UNC79: variants seen among roughly 807,000 people sequenced by gnomAD.
UNC79 encodes the protein unc-79 subunit of NALCN channel complex, also known as protein unc-79 homolog.
In UNC79, 37 loss-of-function variants were observed where a neutral mutation model predicts 283.1. That is an observed-to-expected ratio of 0.13 (90% confidence interval 0.10 to 0.17). UNC79 has a LOEUF of 0.17. Among genes scored for constraint, UNC79 ranks in the 10% least tolerant of loss-of-function variants. UNC79 has a pLI of 1.00. For missense variants in UNC79, 2,272 were observed against 3,211.1 expected, an observed-to-expected ratio of 0.71 and a Z score of 7.07; for synonymous variants, 1,107 against 1,200.2, an observed-to-expected ratio of 0.92 and a Z score of 1.61.
intron 20 of UNC79, among the ~76,000 whole-genome samples, chr14:93,584,161 T>G (rs537439058): frequency 1.3e-5 from 2 of 152,298 alleles, no homozygotes; most frequent in East Asian, 3.9e-4. Context: ...AAAAGAAGTT[T>G]ACAATCTGCT....
chr14:93,482,174 C>T (rs1172469907), intron 4 of UNC79, among the ~76,000 whole-genome samples: 6 of 152,180 alleles, frequency 3.9e-5, no homozygotes, highest in African/African-American at 1.4e-4. Context: ...TTGAAATTCA[C>T]ACACTGTCCT....
intron 23 of UNC79, among the ~76,000 whole-genome samples, chr14:93,594,242 G>A (rs2064894942): frequency 6.6e-6 from 1 of 152,038 alleles, no homozygotes; most frequent in Admixed American, 6.6e-5. Flanking sequence ...ATCTCAGTGG[G>A]AGGTGGGGGT....
At chr14:93,453,387 A>G (rs760193131) in intron 1 of UNC79, among the ~76,000 whole-genome samples, 20 of 152,222 alleles carry the variant, frequency 1.3e-4, no homozygotes, top group African/African-American at 7.2e-5. Context: ...TTTTCACCAA[A>G]TAATTCCTCA....
intron 47 of UNC79, 91 bp from the exon 51 acceptor site, chr14:93,704,533 AT>A: frequency 7.0e-7 from 1 of 1,422,430 alleles, no homozygotes; most frequent in Non-Finnish European, 9.9e-7. Context: ...CGTGAAAGGG[AT>A]TCAATGTGGC....
At chr14:93,590,110 C>T (rs1390666654) in intron 22 of UNC79, among the ~76,000 whole-genome samples, 1 of 152,092 alleles carries the variant, frequency 6.6e-6, no homozygotes, top group African/African-American at 2.4e-5. Context: ...CCTGAGTGCC[C>T]CTTCCTCTTA....
chr14:93,345,478 G>A (rs2053805533), intron 1 of UNC79, among the ~76,000 whole-genome samples: 1 of 152,162 alleles, frequency 6.6e-6, no homozygotes, highest in Non-Finnish European at 1.5e-5. Context: ...TAAAAGTTCA[G>A]ATTAATATTC....
intron 1 of UNC79, among the ~76,000 whole-genome samples, chr14:93,400,061 A>G (rs1442406782): frequency 1.3e-5 from 2 of 152,112 alleles, no homozygotes; most frequent in Non-Finnish European, 2.9e-5. Context: ...AGGTATCCCT[A>G]TTTGCCATTG....
rs1056816948 is a variant in UNC79 at position 93,467,804 on chromosome 14, A to G, written c.143+13A>G. 4 of 1,497,064 alleles carry G rather than the reference A, an allele frequency of 2.7e-6. No individual in the cohort carries two copies. The African/African-American group carries it at 5.7e-5, about 21-fold the overall frequency. The allele number at this position is 1,497,064 out of a possible 1,614,324, so 92.7% of individuals were successfully genotyped here. A position where few individuals can be genotyped will look rare whatever the true frequency, so the allele number is the denominator to read the frequency against. ...AGACCTTGTTAAGGTAAGCTTTACA[A>G]TATCCTCTACTTTGAGAGAATTATT... is the stretch of plus-strand genomic sequence containing the variant. On this transcript the variant is annotated intron_variant, in intron 2 of 48. Coordinates refer to ENST00000555664, the Ensembl canonical transcript of UNC79.
At chr14:93,532,627 A>T in intron 11 of UNC79, 49 bp downstream of exon 11, 2 of 1,602,192 alleles carry the variant, frequency 1.2e-6, no homozygotes, top group East Asian at 4.5e-5. Flanking sequence ...TTGTGTTTGT[A>T]TGTAAATTCA....
chr14:93,548,318 T>A (rs971743338), intron 14 of UNC79, among the ~76,000 whole-genome samples: 1 of 152,198 alleles, frequency 6.6e-6, no homozygotes, highest in Non-Finnish European at 1.5e-5. Flanking sequence ...ATAAAGGCTC[T>A]GTTCTCATGA....
At chr14:93,600,925 A>G (rs922846606) in intron 25 of UNC79, among the ~76,000 whole-genome samples, 155 bp downstream of exon 25, 1 of 152,212 alleles carries the variant, frequency 6.6e-6, no homozygotes, top group Admixed American at 6.5e-5. Flanking sequence ...TAGCTGCTGT[A>G]GTAATCCATA....
At chr14:93,358,503 T>A (rs2054157165) in intron 1 of UNC79, among the ~76,000 whole-genome samples, 2 of 152,148 alleles carry the variant, frequency 1.3e-5, no homozygotes, top group South Asian at 4.1e-4. Flanking sequence ...ATCACGTGCA[T>A]GGCTGACCTG....
At chr14:93,398,945 C>T (rs755253865) in intron 1 of UNC79, among the ~76,000 whole-genome samples, 2 of 152,068 alleles carry the variant, frequency 1.3e-5, no homozygotes. Context: ...TATAAAGATA[C>T]TACCTGAGAC....
chr14:93,647,249 CA>C (rs1446370283), intron 35 of UNC79, among the ~76,000 whole-genome samples: 1 of 152,138 alleles, frequency 6.6e-6, no homozygotes, highest in Non-Finnish European at 1.5e-5. Context: ...AACAAAACAT[CA>C]AATCCTGGCT....
In UNC79 at chr14:93,542,302, G is replaced by A. The variant is rs538717651; in HGVS notation, c.1525-164G>A. Among the ~76,000 whole-genome samples, 16 of 152,312 alleles carry A rather than the reference G, an allele frequency of 1.1e-4. No individual in the cohort carries two copies. The South Asian group carries it at 2.9e-3, about 28-fold the overall frequency. On this transcript the variant is annotated intron_variant, in intron 13 of 48. Transcript: ENST00000555664. Reference sequence around the variant, plus strand: ...TGCAATCCATCTATCCCTGTAGAAAGGAACACAGTTTCTGGATAAGCGATC... The same window carrying A: ...TGCAATCCATCTATCCCTGTAGAAAAGAACACAGTTTCTGGATAAGCGATC...
intron 1 of UNC79, among the ~76,000 whole-genome samples, chr14:93,349,741 C>T (rs561811970): frequency 6.6e-6 from 1 of 152,232 alleles, no homozygotes; most frequent in South Asian, 2.1e-4. Context: ...TCTACCTTCG[C>T]TAAATATTTC....
intron 1 of UNC79, among the ~76,000 whole-genome samples, chr14:93,433,534 G>A (rs2055961947): frequency 6.6e-6 from 1 of 152,086 alleles, no homozygotes; most frequent in African/African-American, 2.4e-5. Context: ...AGCAAGAGAA[G>A]GAAAGGTCAG....
At chr14:93,628,284 G>T (rs1444301211) in intron 30 of UNC79, among the ~76,000 whole-genome samples, 1 of 152,170 alleles carries the variant, frequency 6.6e-6, no homozygotes, top group Non-Finnish European at 1.5e-5. Flanking sequence ...GTGACCCCTT[G>T]TCAGGTCTTG....
intron 32 of UNC79, among the ~76,000 whole-genome samples, chr14:93,640,168 G>A (rs1032743200): frequency 6.6e-6 from 1 of 152,102 alleles, no homozygotes; most frequent in Non-Finnish European, 1.5e-5. Context: ...TTTCCAGACT[G>A]ATTTACTCAT....
Sources: allele counts gnomAD v4.1 joint callset (sites outside exome capture counted in the v4.1 genomes callset), GRCh38; gene constraint gnomAD v4.1.1; transcripts MANE v1.5; gene names NCBI Gene and HGNC (gene_info 2026-07-23, HGNC 2026-07-21).